TEAD1: variants seen among roughly 807,000 people sequenced by gnomAD.
TEAD1 encodes the protein transcriptional enhancer factor TEF-1.
In TEAD1, 9 loss-of-function variants were observed where a neutral mutation model predicts 54.9. The observed-to-expected ratio is 0.16, with a 90% CI of 0.10 to 0.29. TEAD1 has a LOEUF of 0.29. Ranked by LOEUF, TEAD1 falls within the 10% of genes least tolerant of loss-of-function variation. TEAD1 has a pLI of 1.00. For missense variants in TEAD1, 387 were observed against 535.9 expected, an observed-to-expected ratio of 0.72 and a Z score of 2.74; for synonymous variants, 200 against 187.8, an observed-to-expected ratio of 1.07 and a Z score of -0.53.
chr11:12,686,069 T>A (rs1395956916), intron 2 of TEAD1, among the ~76,000 whole-genome samples: 3 of 152,198 alleles, frequency 2.0e-5, no homozygotes, highest in Non-Finnish European at 2.9e-5. Context: ...CCCTTTATGG[T>A]TCCCCATGGC....
At chr11:12,864,688 G>A (rs1947581004) in intron 4 of TEAD1, 150 bp from the exon 5 acceptor site, 2 of 1,540,966 alleles carry the variant, frequency 1.3e-6, no homozygotes, top group Admixed American at 2.0e-5. Context: ...CAATGTAGGT[G>A]TCTAGTCATA....
chr11:12,818,585 C>G (rs1287720466), intron 3 of TEAD1, among the ~76,000 whole-genome samples: 1 of 152,174 alleles, frequency 6.6e-6, no homozygotes, highest in Non-Finnish European at 1.5e-5. Flanking sequence ...CTCCTCCAAA[C>G]TGCTTTTCTG....
chr11:12,763,142 A>G (rs562730672), intron 2 of TEAD1, among the ~76,000 whole-genome samples: 254 of 152,262 alleles, frequency 1.7e-3, no homozygotes, highest in Non-Finnish European at 3.3e-3. Flanking sequence ...TTTCACATTG[A>G]CGTTATGCCA....
At chr11:12,891,337 T>C (rs759658308) in intron 9 of TEAD1, among the ~76,000 whole-genome samples, 1 of 152,248 alleles carries the variant, frequency 6.6e-6, no homozygotes, top group Non-Finnish European at 1.5e-5. Context: ...ACACGATGGC[T>C]GCATCAGGTG....
intron 12 of TEAD1, 61 bp downstream of exon 12, chr11:12,930,387 G>A: frequency 6.2e-7 from 1 of 1,606,558 alleles, no homozygotes; most frequent in Non-Finnish European, 8.5e-7. Flanking sequence ...ACAGAAGTGA[G>A]GAAGGTGGGC....
chr11:12,811,765 A>G (rs546899077), intron 3 of TEAD1, among the ~76,000 whole-genome samples: 2 of 142,544 alleles, frequency 1.4e-5, no homozygotes, highest in South Asian at 2.4e-4. Context: ...TCTTGCCCAC[A>G]GTGGAGTGGC....
At chr11:12,691,520 G>A (rs1943456981) in intron 2 of TEAD1, among the ~76,000 whole-genome samples, 1 of 152,130 alleles carries the variant, frequency 6.6e-6, no homozygotes, top group Admixed American at 6.5e-5. Flanking sequence ...CGTGGTAAAA[G>A]CTTTCCTTGC....
intron 8 of TEAD1, 120 bp downstream of exon 8, chr11:12,882,077 G>T: frequency 9.4e-7 from 1 of 1,063,990 alleles, no homozygotes; most frequent in Non-Finnish European, 1.4e-6. Context: ...CATTGCCCCT[G>T]ACTTGCAGGA....
In TEAD1 at chr11:12,741,026, A is replaced by C. The variant is rs1944640260; in HGVS notation, c.-54-23153A>C. On this transcript the variant is annotated intron_variant, in intron 2 of 12. Coordinates refer to ENST00000527636, the MANE Select transcript of TEAD1 (RefSeq NM_021961.6). ...GCAAAAACAATGGAACATTAAAAAA[A>C]GTATAAGACAGAAAACTGCAATATC... Among the ~76,000 whole-genome samples the C allele has an allele frequency of 2.6e-5, 4 of 152,234 alleles. No homozygotes were observed. The South Asian group carries it at 8.3e-4, about 31-fold the overall frequency.
intron 2 of TEAD1, among the ~76,000 whole-genome samples, chr11:12,707,724 C>CT (rs1326873625): frequency 2.0e-5 from 3 of 152,130 alleles, no homozygotes; most frequent in Non-Finnish European, 4.4e-5. Flanking sequence ...AATTGCCTTT[C>CT]TTTTTTTGGA....
chr11:12,790,134 A>G (rs987719463), intron 3 of TEAD1, among the ~76,000 whole-genome samples: 1 of 152,202 alleles, frequency 6.6e-6, no homozygotes, highest in East Asian at 1.9e-4. Context: ...CAAACTCTGT[A>G]TTGGATGTTG....
chr11:12,773,273 C>G (rs1249453644), intron 3 of TEAD1, among the ~76,000 whole-genome samples: 1 of 152,218 alleles, frequency 6.6e-6, no homozygotes, highest in East Asian at 1.9e-4. Flanking sequence ...TATTCACTTA[C>G]ATGGGATAAA....
At chr11:12,805,804 A>T (rs16911620) in intron 3 of TEAD1, among the ~76,000 whole-genome samples, 6,901 of 152,270 alleles carry the variant, frequency 0.045, 558 homozygotes, top group African/African-American at 0.16. Flanking sequence ...GTACCTTCCA[A>T]AGAATTGATC....
chr11:12,764,197 G>T lies in TEAD1; in HGVS notation c.-36G>T, dbSNP rs375374250. The T allele has an allele frequency of 1.8e-5, 29 of 1,604,772 alleles. No homozygotes were observed. In the East Asian group the frequency reaches 4.9e-4, roughly 27 times the overall value. ...CTTCTAGGTTTATTTTCTTGAAAAG[G>T]CTCCAGGCTTCGGCTTGGAAAATCC... is the stretch of plus-strand genomic sequence containing the variant. On this transcript the variant is annotated 5_prime_UTR_variant, in exon 3 of 13. Transcript: ENST00000527636.
intron 2 of TEAD1, among the ~76,000 whole-genome samples, chr11:12,746,283 C>T (rs895860895): frequency 6.6e-6 from 1 of 152,150 alleles, no homozygotes; most frequent in Non-Finnish European, 1.5e-5. Flanking sequence ...TGAAGTCCTA[C>T]CTCTTCTACA....
rs1005251650 is a variant in TEAD1 at position 12,941,034 on chromosome 11, G to C, written c.*3812G>C. 1.3e-5 allele frequency: 2 copies of C among 152,258 alleles called. No homozygotes were observed. Among genetic ancestry groups the C allele is most frequent in the African/African-American group, 4.8e-5 (2 of 41,450 alleles). 9.4% of individuals were successfully genotyped at this position (152,258 alleles called of 1,614,324 possible). Reference sequence around the variant, plus strand: ...ACCCAGCTGGTTAGTGACAGAAAAAGCGTGAGAGTTGTCTAGGATTCCTGC... The same window carrying C: ...ACCCAGCTGGTTAGTGACAGAAAAACCGTGAGAGTTGTCTAGGATTCCTGC... On this transcript the variant is annotated 3_prime_UTR_variant, in exon 13 of 13. Coordinates refer to ENST00000527636, the MANE Select transcript of TEAD1 (RefSeq NM_021961.6).
chr11:12,935,680 G>A (rs183363730), intron 12 of TEAD1, among the ~76,000 whole-genome samples: 52 of 152,068 alleles, frequency 3.4e-4, no homozygotes, highest in Admixed American at 2.6e-3. Flanking sequence ...GGCGGGTCTC[G>A]AACTCCTGAC....
At chr11:12,799,705 G>A (rs1338085466) in intron 3 of TEAD1, among the ~76,000 whole-genome samples, 1 of 152,230 alleles carries the variant, frequency 6.6e-6, no homozygotes, top group East Asian at 1.9e-4. Flanking sequence ...TTAGTACCTT[G>A]GAATTTGAAC....
intron 3 of TEAD1, among the ~76,000 whole-genome samples, chr11:12,832,603 A>AAGTTG (rs1946805398): frequency 6.6e-6 from 1 of 152,228 alleles, no homozygotes; most frequent in Admixed American, 6.5e-5. Context: ...TTGAATGTTC[A>AAGTTG]ACCTCTATGA....
Sources: gnomAD v4.1 joint callset for allele counts (sites outside exome capture counted in the v4.1 genomes callset) on GRCh38, gnomAD v4.1.1 for gene constraint, MANE v1.5 for transcripts, NCBI Gene and HGNC (gene_info 2026-07-23, HGNC 2026-07-21) for gene names.